Variants in PRKN observed in about 807,000 individuals in gnomAD.
PRKN encodes the protein E3 ubiquitin-protein ligase parkin.
In PRKN, 56 loss-of-function variants were observed where a neutral mutation model predicts 59.5. The ratio of observed to expected loss-of-function variants is 0.94; its 90% CI spans 0.76 to 1.18. The LOEUF (loss-of-function observed/expected upper bound fraction) is 1.18. Among genes scored for constraint, PRKN ranks in the 50% most tolerant of loss-of-function variants. PRKN has a pLI of 0.00. For missense variants in PRKN, 657 were observed against 596.4 expected, an observed-to-expected ratio of 1.10 and a Z score of -1.06; for synonymous variants, 250 against 222.1, an observed-to-expected ratio of 1.13 and a Z score of -1.12.
chr6:162,618,415 T>G (rs1056766580), intron 1 of PRKN, among the ~76,000 whole-genome samples: 2 of 152,178 alleles, frequency 1.3e-5, no homozygotes, highest in African/African-American at 4.8e-5. Context: ...TGTACTGTGA[T>G]CACCAATGAC....
chr6:162,146,505 T>C (rs962149783), intron 4 of PRKN, among the ~76,000 whole-genome samples: 1 of 150,654 alleles, frequency 6.6e-6, no homozygotes, highest in South Asian at 2.1e-4. Flanking sequence ...ACATTATATA[T>C]ATATAAATTT....
chr6:162,115,271 T>G (rs1472267384), intron 4 of PRKN, among the ~76,000 whole-genome samples: 6 of 149,182 alleles, frequency 4.0e-5, no homozygotes, highest in African/African-American at 4.9e-5. Flanking sequence ...CGCATATTCT[T>G]ACTCATAGGT....
intron 1 of PRKN, among the ~76,000 whole-genome samples, chr6:162,509,541 T>C (rs933542608): frequency 1.3e-5 from 2 of 152,186 alleles, no homozygotes; most frequent in African/African-American, 2.4e-5. Context: ...GCATAATTCA[T>C]AGATTTTTCC....
chr6:161,831,679 A>T (rs973557343), intron 6 of PRKN, among the ~76,000 whole-genome samples: 1 of 152,206 alleles, frequency 6.6e-6, no homozygotes, highest in African/African-American at 2.4e-5. Context: ...GTGGGAATTT[A>T]AGTGGGAATG....
rs1188474476 is a variant in PRKN at position 161,533,923 on chromosome 6, A to G, written c.1083+14931T>C. On this transcript the variant is annotated intron_variant, in intron 9 of 11. Transcript: ENST00000366898. The surrounding 1 kb of genome is among the most constrained non-coding windows in gnomAD (Gnocchi z 4.1). Reference sequence around the variant, plus strand: ...AGCGATTCCTGTTTTATAAGGTAGGAAGGCTGTATATTCACACGACACTCG... The same window carrying G: ...AGCGATTCCTGTTTTATAAGGTAGGGAGGCTGTATATTCACACGACACTCG... 6.6e-6 allele frequency among the ~76,000 whole-genome samples: 1 copy of G among 152,078 alleles called. No homozygotes were observed. Among genetic ancestry groups the G allele is most frequent in the East Asian group, 1.9e-4 (1 of 5,176 alleles).
intron 6 of PRKN, among the ~76,000 whole-genome samples, chr6:161,950,303 G>T (rs903860776): frequency 6.6e-6 from 1 of 152,118 alleles, no homozygotes; most frequent in Non-Finnish European, 1.5e-5. Flanking sequence ...CCAGCACTTT[G>T]GGAGGCCGAG....
At position 161,347,606 on chromosome 6, in the gene PRKN, C is replaced by CCTTTTTGTTTTTTTTT. The variant is rs1562383605; in HGVS notation, c.*2492_*2493insAAAAAAAAACAAAAAG. On this transcript the variant is annotated 3_prime_UTR_variant, in exon 12 of 12. Coordinates refer to ENST00000366898, the MANE Select transcript of PRKN (RefSeq NM_004562.3). ...TGTTCATGTGTAGTGGATGATCTTG[C>CCTTTTTGTTTTTTTTT]TTTTTTGTTTTTGTTTTTTTTTTTT... The CCTTTTTGTTTTTTTTT allele has an allele frequency of 1.5e-5, 2 of 134,762 alleles. No individual in the cohort carries two copies. Among genetic ancestry groups the CCTTTTTGTTTTTTTTT allele is most frequent in the Non-Finnish European group, 1.6e-5 (1 of 62,992 alleles). 8.3% of individuals were successfully genotyped at this position (134,762 alleles called of 1,614,324 possible).
chr6:162,461,499 C>CCAA (rs1791165827), intron 1 of PRKN, among the ~76,000 whole-genome samples: 1 of 36,516 alleles, frequency 2.7e-5, no homozygotes, highest in Non-Finnish European at 4.6e-5. Flanking sequence ...TAAAGTGTCT[C>CCAA]AAAAAAAAAA....
At chr6:161,755,579 C>T (rs1788882063) in intron 7 of PRKN, among the ~76,000 whole-genome samples, 1 of 151,764 alleles carries the variant, frequency 6.6e-6, no homozygotes, top group Non-Finnish European at 1.5e-5. Context: ...TAAAACAGTG[C>T]CTCGACTACG....
chr6:162,192,188 T>C (rs1211399820), intron 4 of PRKN, among the ~76,000 whole-genome samples: 3 of 152,128 alleles, frequency 2.0e-5, no homozygotes, highest in African/African-American at 4.8e-5. Flanking sequence ...ATGAATAAGA[T>C]TGTAGATCAC....
At chr6:162,248,225 C>T (rs1035783013) in intron 3 of PRKN, among the ~76,000 whole-genome samples, 3 of 152,232 alleles carry the variant, frequency 2.0e-5, no homozygotes, top group Non-Finnish European at 2.9e-5. Flanking sequence ...TGTTACTAAT[C>T]GAACATTTTA....
intron 6 of PRKN, among the ~76,000 whole-genome samples, chr6:161,872,283 A>C (rs888474348): frequency 1.3e-5 from 2 of 152,156 alleles, no homozygotes; most frequent in Non-Finnish European, 2.9e-5. Context: ...AGATTCGAAA[A>C]GGTGAGAAGA....
At chr6:161,994,209 G>A (rs982155134) in intron 5 of PRKN, among the ~76,000 whole-genome samples, 3 of 144,776 alleles carry the variant, frequency 2.1e-5, no homozygotes, top group African/African-American at 7.6e-5. Flanking sequence ...ATCACATCAA[G>A]ATAATGAAGG....
intron 1 of PRKN, among the ~76,000 whole-genome samples, chr6:162,635,874 T>C (rs963600854): frequency 7.9e-5 from 12 of 152,144 alleles, no homozygotes; most frequent in Non-Finnish European, 1.6e-4. Context: ...CTATTTTGTG[T>C]GCACTGCTCT....
At chr6:161,938,821 T>C (rs1779448315) in intron 6 of PRKN, among the ~76,000 whole-genome samples, 1 of 152,180 alleles carries the variant, frequency 6.6e-6, no homozygotes, top group Non-Finnish European at 1.5e-5. Context: ...GATTCTTTCC[T>C]CCTCAACAAA....
intron 4 of PRKN, among the ~76,000 whole-genome samples, chr6:162,081,241 A>T (rs544202237): frequency 6.6e-6 from 1 of 152,220 alleles, no homozygotes; most frequent in Admixed American, 6.5e-5. Context: ...TAGAATGGTG[A>T]ATCGTTTCCA....
At chr6:161,669,725 T>C (rs1784842943) in intron 7 of PRKN, among the ~76,000 whole-genome samples, 1 of 152,250 alleles carries the variant, frequency 6.6e-6, no homozygotes, top group South Asian at 2.1e-4. Flanking sequence ...GCTGCAGTGT[T>C]GGTAACAACA....
intron 2 of PRKN, among the ~76,000 whole-genome samples, chr6:162,394,209 A>G (rs972925013): frequency 6.6e-6 from 1 of 152,194 alleles, no homozygotes; most frequent in Non-Finnish European, 1.5e-5. Flanking sequence ...AGGACTATAA[A>G]CATTAGGTAG....
At chr6:161,411,416 C>A (rs1787535908) in intron 9 of PRKN, among the ~76,000 whole-genome samples, 2 of 152,210 alleles carry the variant, frequency 1.3e-5, no homozygotes, top group South Asian at 2.1e-4. Context: ...GATTGTGAGG[C>A]CTCCCCAGCC....
Sources: allele counts gnomAD v4.1 joint callset (sites outside exome capture counted in the v4.1 genomes callset), GRCh38; gene constraint gnomAD v4.1.1; non-coding constraint Gnocchi (gnomAD v3.1); transcripts MANE v1.5; gene names NCBI Gene and HGNC (gene_info 2026-07-23, HGNC 2026-07-21).